Variants in ASCC3 observed in about 807,000 individuals in gnomAD.
The protein encoded by ASCC3 is ASC-1 complex subunit P200.
In ASCC3, 158 loss-of-function variants were observed where a neutral mutation model predicts 256.3. The ratio of observed to expected loss-of-function variants is 0.62; its 90% CI spans 0.54 to 0.70. The LOEUF (loss-of-function observed/expected upper bound fraction) is 0.70. Among genes scored for constraint, ASCC3 ranks in the 30% least tolerant of loss-of-function variants. The pLI, the probability that ASCC3 is intolerant of heterozygous loss-of-function variation, is 0.00. For synonymous variants in ASCC3, 948 were observed against 883.4 expected, an observed-to-expected ratio of 1.07 and a Z score of -1.30; for missense variants, 2,259 against 2,626.0, an observed-to-expected ratio of 0.86 and a Z score of 3.05.
At chr6:100,694,516 GT>G (rs1777992926) in intron 13 of ASCC3, among the ~76,000 whole-genome samples, 1 of 152,042 alleles carries the variant, frequency 6.6e-6, no homozygotes, top group Non-Finnish European at 1.5e-5. Context: ...CAGTTTCATT[GT>G]TTCTAAAGAG....
At chr6:100,825,911 G>A (rs1278463782) in intron 4 of ASCC3, among the ~76,000 whole-genome samples, 1 of 151,370 alleles carries the variant, frequency 6.6e-6, no homozygotes, top group Non-Finnish European at 1.5e-5. Context: ...TGATACTTGT[G>A]CATTCATAAT....
intron 10 of ASCC3, among the ~76,000 whole-genome samples, chr6:100,765,170 C>G (rs1190068917): frequency 6.6e-6 from 1 of 152,156 alleles, no homozygotes; most frequent in African/African-American, 2.4e-5. Context: ...TGATTTCAGA[C>G]TTCTAAACTC....
At chr6:100,626,338 G>A (rs1004754832) in intron 29 of ASCC3, among the ~76,000 whole-genome samples, 3 of 151,884 alleles carry the variant, frequency 2.0e-5, no homozygotes, top group African/African-American at 7.3e-5. Context: ...CTTTTTATGG[G>A]CTGGGAAACA....
intron 36 of ASCC3, among the ~76,000 whole-genome samples, chr6:100,581,489 T>A (rs1247050786): frequency 6.6e-6 from 1 of 152,194 alleles, no homozygotes; most frequent in Non-Finnish European, 1.5e-5. Flanking sequence ...ATTAGCCTTT[T>A]GTCAGATGAG....
At chr6:100,634,846 C>A (rs1459653731) in intron 25 of ASCC3, among the ~76,000 whole-genome samples, 2 of 145,448 alleles carry the variant, frequency 1.4e-5, no homozygotes, top group African/African-American at 5.1e-5. Flanking sequence ...CACAGCGAGA[C>A]CCCATCTCCT....
chr6:100,727,283 C>T (rs747003096), intron 10 of ASCC3, among the ~76,000 whole-genome samples: 2 of 151,888 alleles, frequency 1.3e-5, no homozygotes, highest in Non-Finnish European at 2.9e-5. Flanking sequence ...AGCCCTATAT[C>T]AAACATACCA....
intron 36 of ASCC3, among the ~76,000 whole-genome samples, chr6:100,579,871 T>C (rs1771111835): frequency 1.3e-5 from 2 of 152,144 alleles, no homozygotes; most frequent in Admixed American, 6.5e-5. Flanking sequence ...AGAATGTCAT[T>C]GGTAGTTTGT....
chr6:100,624,603 C>T (rs1367055171), intron 30 of ASCC3, among the ~76,000 whole-genome samples: 1 of 151,900 alleles, frequency 6.6e-6, no homozygotes, highest in African/African-American at 2.4e-5. Context: ...TAAAAATATT[C>T]ACATTATTTG....
At chr6:100,725,736 G>T in intron 10 of ASCC3, 33 bp from the exon 11 acceptor site, 2 of 1,608,100 alleles carry the variant, frequency 1.2e-6, no homozygotes, top group South Asian at 1.1e-5. Context: ...AAAGGGGAAA[G>T]TTACATAGGT....
chr6:100,685,216 T>G (rs1777514249), intron 13 of ASCC3, among the ~76,000 whole-genome samples: 1 of 152,154 alleles, frequency 6.6e-6, no homozygotes. Context: ...AAAATGTTGC[T>G]GAGAAATTTT....
rs1379436383 is a variant in ASCC3, at chr6:100,881,238, G to T, written c.-219C>A. The T allele has an allele frequency of 1.3e-5, 2 of 152,412 alleles. No homozygotes were observed. Among genetic ancestry groups the T allele is most frequent in the Non-Finnish European group, 2.9e-5 (2 of 68,196 alleles). 9.4% of individuals were successfully genotyped at this position (152,412 alleles called of 1,614,324 possible). A position where few individuals can be genotyped will look rare whatever the true frequency, so the allele number is the denominator to read the frequency against. On this transcript the variant is annotated 5_prime_UTR_variant, in exon 1 of 42. Transcript: ENST00000369162. The stretch of plus-strand genomic sequence containing the variant: ...CCGCCCTCCAAGCCGCGCTTGCCGG[G>T]GTCGCGCCCAGTCACAGGGAACCGC...
At position 100,625,207 on chromosome 6, in the gene ASCC3, G is replaced by A; in HGVS notation, c.4770C>T (p.Asn1590=). ...ATEEDPKQWL[N]MDEREMENII... The stretch of plus-strand genomic sequence containing the variant: ...TGTTGCTTACCTCTCTTTCATCCAT[G>A]TTTAACCACTGCTTTGGATCTTCTT... The change falls in exon 30 of 42, where the codon AAC becomes AAT. Residue 1590 remains asparagine (N), a synonymous_variant. Transcript: ENST00000369162. 1 of 1,612,656 alleles carries A rather than the reference G, an allele frequency of 6.2e-7. No homozygotes were observed. Among genetic ancestry groups the A allele is most frequent in the Non-Finnish European group, 8.5e-7 (1 of 1,179,050 alleles).
At chr6:100,769,906 A>G (rs1409070522) in intron 8 of ASCC3, among the ~76,000 whole-genome samples, 1 of 151,934 alleles carries the variant, frequency 6.6e-6, no homozygotes, top group Non-Finnish European at 1.5e-5. Flanking sequence ...CAAATACACA[A>G]CTTAACCCAA....
chr6:100,644,026 C>G lies in ASCC3; in HGVS notation c.3732+5G>C. On this transcript the variant is annotated splice_donor_5th_base_variant and intron_variant, in intron 23 of 41. Coordinates refer to ENST00000369162, the MANE Select transcript of ASCC3 (RefSeq NM_006828.4). ...ATAAGGATATATTCACATATATACA[C>G]TTACTTGTTTTTTTAGAGCTAGAAA... The G allele has an allele frequency of 1.3e-6, 2 of 1,590,546 alleles. No homozygotes were observed. The highest frequency in any genetic ancestry group is 1.7e-6 in the Non-Finnish European group (2 of 1,159,724).
intron 10 of ASCC3, among the ~76,000 whole-genome samples, chr6:100,763,599 G>A (rs923602670): frequency 1.6e-4 from 25 of 152,088 alleles, no homozygotes; most frequent in Non-Finnish European, 2.9e-4. Flanking sequence ...GAGGGCAAAG[G>A]GTAGACAACA....
intron 8 of ASCC3, among the ~76,000 whole-genome samples, chr6:100,770,690 G>A (rs142338771): frequency 0.011 from 1,702 of 151,868 alleles, 15 homozygotes; most frequent in Non-Finnish European, 0.017. Context: ...TCTATATACC[G>A]GCAATGAAAT....
intron 36 of ASCC3, among the ~76,000 whole-genome samples, chr6:100,569,526 G>T (rs766180400): frequency 2.0e-5 from 3 of 151,992 alleles, no homozygotes; most frequent in Non-Finnish European, 4.4e-5. Context: ...GGGACTACAG[G>T]ACCCCACCAA....
chr6:100,666,183 A>C (rs1776464903), intron 14 of ASCC3, among the ~76,000 whole-genome samples: 1 of 152,182 alleles, frequency 6.6e-6, no homozygotes, highest in Non-Finnish European at 1.5e-5. Flanking sequence ...ATTCCACGGT[A>C]CTACAGATGG....
At chr6:100,802,817 T>C (rs1161662719) in intron 5 of ASCC3, among the ~76,000 whole-genome samples, 1 of 151,744 alleles carries the variant, frequency 6.6e-6, no homozygotes, top group South Asian at 2.1e-4. Context: ...CTGGGCAACA[T>C]GGGGAGATCT....
Sources: gnomAD v4.1 joint callset for allele counts (sites outside exome capture counted in the v4.1 genomes callset) on GRCh38, gnomAD v4.1.1 for gene constraint, MANE v1.5 for transcripts, NCBI Gene and HGNC (gene_info 2026-07-23, HGNC 2026-07-21) for gene names.